The following RPL3L variants were observed in gnomAD, a reference collection of about 807,000 sequenced individuals.
The protein encoded by RPL3L is ribosomal protein uL3-like.
A neutral mutation model predicts 44.5 loss-of-function variants in RPL3L; 44 were observed. That is an observed-to-expected ratio of 0.99 (90% CI 0.78 to 1.27). The LOEUF (loss-of-function observed/expected upper bound fraction) is 1.27. Ranked by LOEUF, RPL3L falls within the 50% of genes most tolerant of loss-of-function variation. The pLI is 0.00. For missense variants in RPL3L, 631 were observed against 569.1 expected (o/e 1.11, Z -1.11); for synonymous variants, 292 against 230.7 (o/e 1.27, Z -2.41).
At chr16:1,949,127 T>C (rs927306560) in intron 4 of RPL3L, among the ~76,000 whole-genome samples, 1 of 150,496 alleles carries the variant, frequency 6.6e-6, no homozygotes, top group Non-Finnish European at 1.5e-5. Context: ...TGCACCACCA[T>C]GCCCAGCCAA....
At chr16:1,954,278 G>A (rs2083192147) in intron 1 of RPL3L, 130 bp from the exon 2 acceptor site, 1 of 1,027,352 alleles carries the variant, frequency 9.7e-7, no homozygotes, top group Non-Finnish European at 1.4e-6. Flanking sequence ...CACCTCCCCT[G>A]TCTGCCTACA....
intron 4 of RPL3L, 24 bp downstream of exon 4, chr16:1,950,820 G>T (rs753035566): frequency 6.2e-7 from 1 of 1,613,760 alleles, no homozygotes; most frequent in African/African-American, 1.3e-5. Flanking sequence ...GGGACTGACC[G>T]ACAGCGGAGG....
intron 3 of RPL3L, among the ~76,000 whole-genome samples, chr16:1,951,657 T>C (rs1273705888): frequency 1.3e-5 from 2 of 151,208 alleles, no homozygotes; most frequent in Non-Finnish European, 2.9e-5. Context: ...GCTGGAATTA[T>C]AGGAATGAAC....
At chr16:1,951,084 T>G (rs1322028568) in intron 3 of RPL3L, 105 bp from the exon 4 acceptor site, 1 of 1,449,288 alleles carries the variant, frequency 6.9e-7, no homozygotes, top group Non-Finnish European at 9.2e-7. Flanking sequence ...GGGTCCTACC[T>G]CTGGGACCGC....
At chr16:1,946,487 G>A in intron 7 of RPL3L, 138 bp downstream of exon 7, 3 of 859,838 alleles carry the variant, frequency 3.5e-6, no homozygotes, top group Non-Finnish European at 5.3e-6. Flanking sequence ...AAAATCTTGA[G>A]CCCTTGGGGC....
Position 1,944,878 on chromosome 16 carries a change from G to C in RPL3L, c.1183C>G (p.His395Asp), listed in dbSNP as rs2083108743. Residue 395 changes from histidine (H) to aspartate (D), a missense_variant, in exon 10 of 10, where the codon CAT becomes GAT. Coordinates refer to ENST00000268661, the MANE Select transcript of RPL3L (RefSeq NM_005061.3). ...GTCTCCGGCGTTTCCTTCTCCAGAT[G>C]CTTCTTTTGGGGGCCCTGGTTGAGA... ...KRAFMGPQKK[H>D]LEKETPETSG... 3 of 1,614,044 alleles carry C rather than the reference G, an allele frequency of 1.9e-6. No individual in the cohort carries two copies. Among genetic ancestry groups the C allele is most frequent in the Non-Finnish European group, 2.5e-6 (3 of 1,180,018 alleles).
At chr16:1,946,274 C>T (rs528391334) in intron 7 of RPL3L, among the ~76,000 whole-genome samples, 6 of 152,332 alleles carry the variant, frequency 3.9e-5, no homozygotes, top group East Asian at 3.9e-4. Flanking sequence ...TAGGAGCTGC[C>T]GCACTCCACA....
rs756338074 is a variant in RPL3L, at chr16:1,952,990, G to A, written c.249C>T (p.Pro83=). The A allele has an allele frequency of 6.8e-6, 11 of 1,610,994 alleles. No individual in the cohort carries two copies. In the Admixed American group the frequency reaches 1.5e-4, roughly 22 times the overall value. Residue 83 remains proline, a synonymous_variant, in exon 3 of 10, where the codon CCC becomes CCT. Transcript: ENST00000268661. Reference sequence around the variant, plus strand: ...AGCCCACCACGCCCACCACCACTAGGGGCGGCGTTTCTACAATTGTCACCG... The same window carrying A: ...AGCCCACCACGCCCACCACCACTAGAGGCGGCGTTTCTACAATTGTCACCG... ...VEAVTIVETP[P]LVVVGVVGYV...
In RPL3L at chr16:1,950,907, T is replaced by C. The variant is rs1567311231; in HGVS notation, c.438A>G (p.Leu146=). The C allele has an allele frequency of 6.2e-7, 1 of 1,614,038 alleles. No individual in the cohort carries two copies. The highest frequency in any genetic ancestry group is 1.7e-4 in the Middle Eastern group (1 of 6,060). The change falls in exon 4 of 10, where the codon CTA becomes CTG. Residue 146 remains leucine (L), a synonymous_variant. Transcript: ENST00000268661. ...TCTTCATGGCGGCGAAGTCCTTCTG[T>C]AGCTGCTTTTTCCCGTCTGTGTCCC... ...RWRDTDGKKQ[L]QKDFAAMKKY...
Position 1,954,643 on chromosome 16 carries a change from C to A in RPL3L, c.-12G>T. The A allele has an allele frequency of 6.4e-7, 1 of 1,553,044 alleles. No homozygotes were observed. Among genetic ancestry groups the A allele is most frequent in the Non-Finnish European group, 8.7e-7 (1 of 1,149,946 alleles). On this transcript the variant is annotated 5_prime_UTR_variant, in exon 1 of 10. Transcript: ENST00000268661. ...GTCCCACCAACCATGGTGGCCGATCCCTGAAGGTCAGGAAGGGGCCTCGCC... is the reference window on the plus strand; with the variant it reads ...GTCCCACCAACCATGGTGGCCGATCACTGAAGGTCAGGAAGGGGCCTCGCC...
chr16:1,949,244 G>GTTTTTTTGTTTTTTCT (rs2083149813), intron 4 of RPL3L, among the ~76,000 whole-genome samples: 3 of 81,960 alleles, frequency 3.7e-5, no homozygotes. Flanking sequence ...CCTGATTTTT[G>GTTTTTTTGTTTTTTCT]TTTTTTTTTT....
Position 1,952,875 on chromosome 16 carries a change from A to G in RPL3L, c.364T>C (p.Trp122Arg). ...GGCCCAGCCAAGGGCGGTGCTCACC[A>G]GTCCTTGTAGAATCGGCGCCGGCAC... is the stretch of plus-strand genomic sequence containing the variant. ...DECRRRFYKD[W>R]HKSKKKAFTK... Residue 122 changes from tryptophan (W) to arginine (R), a missense_variant and splice_region_variant, in exon 3 of 10, where the codon TGG (tryptophan) becomes CGG (arginine). Trp to Arg is a moderately radical substitution (Grantham distance 101). Coordinates refer to ENST00000268661, the MANE Select transcript of RPL3L (RefSeq NM_005061.3). 1 of 1,613,806 alleles carries G rather than the reference A, an allele frequency of 6.2e-7. No individual in the cohort carries two copies. The highest frequency in any genetic ancestry group is 8.5e-7 in the Non-Finnish European group (1 of 1,179,990).
intron 6 of RPL3L, 24 bp downstream of exon 6, chr16:1,946,914 C>T (rs764528932): frequency 5.7e-6 from 9 of 1,586,558 alleles, no homozygotes; most frequent in African/African-American, 1.3e-5. Flanking sequence ...ACACAGTGTC[C>T]CCGTACCCCG....
intron 2 of RPL3L, among the ~76,000 whole-genome samples, 156 bp downstream of exon 2, chr16:1,953,800 C>A (rs1256842345): frequency 6.6e-6 from 1 of 152,220 alleles, no homozygotes; most frequent in Non-Finnish European, 1.5e-5. Context: ...CGCCCGGAAG[C>A]CCTGCCTGTG....
At chr16:1,949,272 T>TTTTTTTTTTTTTG in intron 4 of RPL3L, among the ~76,000 whole-genome samples, 1 of 134,194 alleles carries the variant, frequency 7.5e-6, no homozygotes, top group Non-Finnish European at 1.6e-5. Context: ...TTTTTTTTTT[T>TTTTTTTTTTTTTG]TTTTTTTTTG....
In RPL3L at chr16:1,943,983, A is replaced by G. The variant is rs777294103; in HGVS notation, c.*854T>C. 6 of 151,924 alleles carry G rather than the reference A, an allele frequency of 3.9e-5. No individual in the cohort carries two copies. The highest frequency in any genetic ancestry group is 1.5e-4 in the African/African-American group (6 of 41,304). The allele number at this position is 151,924 out of a possible 1,614,324, so 9.4% of individuals were successfully genotyped here. ...CGCCACCACGCCCAGCTAATTTTGTATTTTTAATAGAGACGAGGTTTCTCG... is the reference window on the plus strand; with the variant it reads ...CGCCACCACGCCCAGCTAATTTTGTGTTTTTAATAGAGACGAGGTTTCTCG... On this transcript the variant is annotated 3_prime_UTR_variant, in exon 10 of 10. Coordinates refer to ENST00000268661, the MANE Select transcript of RPL3L (RefSeq NM_005061.3).
chr16:1,950,182 T>C (rs1261976196), intron 4 of RPL3L, among the ~76,000 whole-genome samples: 2 of 147,984 alleles, frequency 1.4e-5, no homozygotes, highest in East Asian at 4.0e-4. Flanking sequence ...GGTGGGTATG[T>C]ATGGGGCGGG....
At position 1,947,100 on chromosome 16, in the gene RPL3L, T is replaced by G; in HGVS notation, c.689-2A>C. ...TGGTATGCCAGCGGCTTGTGACCCC[T>G]GTGAGTGAGAGGGGCTGGTGGCTGA... On this transcript the variant is annotated splice_acceptor_variant, in intron 5 of 9. Transcript: ENST00000268661. LOFTEE classifies it high-confidence loss of function. 1 of 1,613,452 alleles carries G rather than the reference T, an allele frequency of 6.2e-7. No homozygotes were observed. The highest frequency in any genetic ancestry group is 8.5e-7 in the Non-Finnish European group (1 of 1,179,968).
At chr16:1,950,751 A>G in intron 4 of RPL3L, 93 bp downstream of exon 4, 1 of 1,596,166 alleles carries the variant, frequency 6.3e-7, no homozygotes. Flanking sequence ...AGGCTCGGGT[A>G]TTTTTAGGCT....
Sources: allele counts gnomAD v4.1 joint callset (sites outside exome capture counted in the v4.1 genomes callset), GRCh38; gene constraint gnomAD v4.1.1; transcripts MANE v1.5; gene names NCBI Gene and HGNC (gene_info 2026-07-23, HGNC 2026-07-21).